Variants in CHN2 observed in about 807,000 individuals in gnomAD.
CHN2 encodes chimerin 2, also known as beta-chimaerin.
CHN2 carries 35 observed loss-of-function variants against 56.3 expected under a neutral mutation model. The observed-to-expected ratio is 0.62, with a 90% CI of 0.47 to 0.82. The LOEUF (loss-of-function observed/expected upper bound fraction) is 0.82. Among genes scored for constraint, CHN2 ranks in the 40% least tolerant of loss-of-function variants. The pLI is 0.00. For synonymous variants in CHN2, 210 were observed against 212.8 expected, an observed-to-expected ratio of 0.99 and a Z score of 0.12; for missense variants, 491 against 580.5, an observed-to-expected ratio of 0.85 and a Z score of 1.58.
At chr7:29,250,509 A>C (rs1788409841) in intron 1 of CHN2, among the ~76,000 whole-genome samples, 1 of 152,204 alleles carries the variant, frequency 6.6e-6, no homozygotes, top group East Asian at 1.9e-4. Context: ...AGGAAGGTAC[A>C]GAAGACATGA....
chr7:29,296,469 A>G (rs111958696), intron 1 of CHN2, among the ~76,000 whole-genome samples: 1,668 of 152,336 alleles, frequency 0.011, 31 homozygotes, highest in African/African-American at 0.038. Context: ...AGGATTCTCA[A>G]TGATACTGGG....
At chr7:29,451,258 A>G (rs1385727514) in intron 6 of CHN2, among the ~76,000 whole-genome samples, 1 of 152,220 alleles carries the variant, frequency 6.6e-6, no homozygotes, top group East Asian at 1.9e-4. Flanking sequence ...AACATGTAAC[A>G]TGCTCAGAAA....
At chr7:29,200,934 T>C (rs1242805423) in intron 1 of CHN2, among the ~76,000 whole-genome samples, 1 of 152,150 alleles carries the variant, frequency 6.6e-6, no homozygotes. Context: ...CTGTGCATTC[T>C]GGGAGGGCCA....
chr7:29,472,061 A>G (rs1786100961), intron 6 of CHN2, among the ~76,000 whole-genome samples: 1 of 152,170 alleles, frequency 6.6e-6, no homozygotes, highest in South Asian at 2.1e-4. Context: ...ACATAGGATC[A>G]AGCAGGCTGG....
At chr7:29,490,356 A>T (rs921136695) in intron 7 of CHN2, among the ~76,000 whole-genome samples, 1 of 152,138 alleles carries the variant, frequency 6.6e-6, no homozygotes, top group Non-Finnish European at 1.5e-5. Flanking sequence ...AGAATTTATT[A>T]TTCTCTCCAT....
At chr7:29,482,435 ACT>A (rs1240855371) in intron 7 of CHN2, among the ~76,000 whole-genome samples, 1 of 152,036 alleles carries the variant, frequency 6.6e-6, no homozygotes, top group African/African-American at 2.4e-5. Context: ...CCCGCAACTA[ACT>A]CTAGGTGGAA....
At chr7:29,386,470 G>A (rs1350514206) in intron 3 of CHN2, among the ~76,000 whole-genome samples, 1 of 152,184 alleles carries the variant, frequency 6.6e-6, no homozygotes, top group Non-Finnish European at 1.5e-5. Flanking sequence ...ACCAGCTGCG[G>A]AGGGATTACA....
intron 3 of CHN2, among the ~76,000 whole-genome samples, chr7:29,379,777 TGA>T (rs144536002): frequency 0.013 from 2,025 of 152,280 alleles, 56 homozygotes; most frequent in African/African-American, 0.046. Context: ...TGACTTGGCA[TGA>T]GAGCTGTCGA....
At chr7:29,464,774 C>G (rs1200907562) in intron 6 of CHN2, among the ~76,000 whole-genome samples, 1 of 152,214 alleles carries the variant, frequency 6.6e-6, no homozygotes, top group African/African-American at 2.4e-5. Flanking sequence ...TGCTGCATCA[C>G]AGGAACAGGG....
intron 3 of CHN2, among the ~76,000 whole-genome samples, chr7:29,370,538 C>A (rs992397719): frequency 2.0e-5 from 3 of 152,088 alleles, no homozygotes; most frequent in Non-Finnish European, 1.5e-5. Context: ...TTTTCTTGGT[C>A]TTCAATCTAT....
intron 1 of CHN2, among the ~76,000 whole-genome samples, chr7:29,211,260 A>G (rs968957495): frequency 6.3e-5 from 9 of 142,714 alleles, no homozygotes; most frequent in African/African-American, 2.3e-4. Context: ...TTTTTTTTTT[A>G]GTAGAGATGG....
chr7:29,496,615 T>C (rs17752574), intron 8 of CHN2, among the ~76,000 whole-genome samples: 12,097 of 152,224 alleles, frequency 0.079, 602 homozygotes, highest in Admixed American at 0.13. Flanking sequence ...GAGTTCATGC[T>C]CAGTATCTCA....
At chr7:29,355,410 T>C (rs1467209320) in intron 2 of CHN2, among the ~76,000 whole-genome samples, 1 of 152,204 alleles carries the variant, frequency 6.6e-6, no homozygotes, top group Non-Finnish European at 1.5e-5. Flanking sequence ...GCGAAGAACC[T>C]GTTTGGTCAC....
chr7:29,252,276 C>T (rs1282346977), intron 1 of CHN2, among the ~76,000 whole-genome samples: 2 of 150,286 alleles, frequency 1.3e-5, no homozygotes, highest in African/African-American at 4.9e-5. Flanking sequence ...GCAACCTCCA[C>T]CTTCCAGGTT....
chr7:29,188,484 T>G (rs1207392078), intron 2 of CHN2, among the ~76,000 whole-genome samples: 3 of 152,216 alleles, frequency 2.0e-5, no homozygotes, highest in Non-Finnish European at 2.9e-5. Flanking sequence ...GGCTCAGATA[T>G]TGTGTCTGTT....
At chr7:29,383,166 A>G (rs113744286) in intron 3 of CHN2, among the ~76,000 whole-genome samples, 2,410 of 152,328 alleles carry the variant, frequency 0.016, 30 homozygotes, top group South Asian at 0.023. Flanking sequence ...ATTTGAATGG[A>G]AGATATTGGC....
intron 6 of CHN2, among the ~76,000 whole-genome samples, chr7:29,402,815 A>G (rs766560772): frequency 1.6e-4 from 25 of 152,198 alleles, no homozygotes; most frequent in South Asian, 6.2e-4. Context: ...ATATTTCTGG[A>G]CAATATTCCT....
intron 5 of CHN2, chr7:29,400,188 C>A: frequency 3.5e-6 from 1 of 289,610 alleles, no homozygotes; most frequent in Non-Finnish European, 7.0e-6. Context: ...AGGCATTACC[C>A]TCTGACCCTT....
chr7:29,170,904 G>A (rs963569747), intron 2 of CHN2, among the ~76,000 whole-genome samples: 17 of 152,098 alleles, frequency 1.1e-4, no homozygotes, highest in African/African-American at 2.9e-4. Flanking sequence ...ATCAGATCTC[G>A]TGAGACTTAC....
Sources: allele counts gnomAD v4.1 joint callset (sites outside exome capture counted in the v4.1 genomes callset), GRCh38; gene constraint gnomAD v4.1.1; transcripts MANE v1.5; gene names NCBI Gene and HGNC (gene_info 2026-07-23, HGNC 2026-07-21).